The following LRRTM4 variants were observed in gnomAD, a reference collection of about 807,000 sequenced individuals.
LRRTM4 encodes the protein leucine-rich repeat transmembrane neuronal protein 4.
In LRRTM4, 25 loss-of-function variants were observed where a neutral mutation model predicts 47.6. That is an observed-to-expected ratio of 0.53 (90% CI 0.38 to 0.73). LRRTM4 has a LOEUF of 0.73. Among genes scored for constraint, LRRTM4 ranks in the 30% least tolerant of loss-of-function variants. LRRTM4 has a pLI of 0.00. For missense variants in LRRTM4, 638 were observed against 713.4 expected (o/e 0.89, Z 1.20); for synonymous variants, 311 against 269.5 (o/e 1.15, Z -1.51).
intron 3 of LRRTM4, among the ~76,000 whole-genome samples, chr2:77,243,755 C>T (rs1675340836): frequency 8.3e-6 from 1 of 119,850 alleles, no homozygotes; most frequent in South Asian, 3.0e-4. Context: ...ATACCATATC[C>T]CTTTTTTTTT....
At chr2:76,843,550 AT>A (rs1259008039) in intron 3 of LRRTM4, among the ~76,000 whole-genome samples, 5 of 152,242 alleles carry the variant, frequency 3.3e-5, no homozygotes, top group Non-Finnish European at 7.3e-5. Flanking sequence ...TGATAACTGA[AT>A]ATTTCATAAT....
At chr2:76,934,123 G>T (rs1301172207) in intron 3 of LRRTM4, among the ~76,000 whole-genome samples, 1 of 152,104 alleles carries the variant, frequency 6.6e-6, no homozygotes, top group Non-Finnish European at 1.5e-5. Context: ...TTACTCTGCA[G>T]AAAAATCTCA....
At chr2:77,403,990 C>T (rs1471564780) in intron 3 of LRRTM4, among the ~76,000 whole-genome samples, 1 of 151,774 alleles carries the variant, frequency 6.6e-6, no homozygotes, top group Non-Finnish European at 1.5e-5. Context: ...TTAAATGTCT[C>T]ATAAATACAA....
Position 76,963,105 on chromosome 2 carries a change from A to G in LRRTM4, c.1552-214189T>C, listed in dbSNP as rs1196300808. Among the ~76,000 whole-genome samples, 7 of 151,112 alleles carry G rather than the reference A, an allele frequency of 4.6e-5. No homozygotes were observed. In the East Asian group the frequency reaches 1.4e-3, roughly 30 times the overall value. ...CAAAAATAATTCAATGTAATTATTT[A>G]ATTGATCAATAAATGAAAATTTTCA... is the stretch of plus-strand genomic sequence containing the variant. On this transcript the variant is annotated intron_variant, in intron 3 of 3. Transcript: ENST00000409884.
chr2:76,871,578 T>C (rs1210983547), intron 3 of LRRTM4, among the ~76,000 whole-genome samples: 1 of 152,146 alleles, frequency 6.6e-6, no homozygotes, highest in African/African-American at 2.4e-5. Flanking sequence ...TCTGAAATGA[T>C]CTCCTATGAT....
At chr2:76,979,474 CAG>C (rs1676524238) in intron 3 of LRRTM4, among the ~76,000 whole-genome samples, 3 of 146,210 alleles carry the variant, frequency 2.1e-5, no homozygotes, top group African/African-American at 7.9e-5. Flanking sequence ...TGTGATATGT[CAG>C]AGAGCAGAGA....
intron 3 of LRRTM4, among the ~76,000 whole-genome samples, chr2:77,390,973 G>A (rs1007417419): frequency 2.6e-5 from 4 of 151,700 alleles, no homozygotes; most frequent in Admixed American, 2.6e-4. Flanking sequence ...ATAATTTTTA[G>A]AGAGTCTGTC....
intron 3 of LRRTM4, among the ~76,000 whole-genome samples, chr2:77,211,417 G>A (rs1433857255): frequency 2.6e-5 from 4 of 152,138 alleles, no homozygotes; most frequent in African/African-American, 4.8e-5. Flanking sequence ...AAACTAATAG[G>A]AAGCCGCTGG....
chr2:77,460,452 A>G lies in LRRTM4; in HGVS notation c.1551+57866T>C, dbSNP rs1324535713. Among the ~76,000 whole-genome samples, 4 of 152,226 alleles carry G rather than the reference A, an allele frequency of 2.6e-5. No individual in the cohort carries two copies. The East Asian group carries it at 7.7e-4, about 29-fold the overall frequency. On this transcript the variant is annotated intron_variant, in intron 3 of 3. Transcript: ENST00000409884. ...TATAGCTACTGGTCTAAAGAGGATG[A>G]CAATGAATATCTTTTGCATGTTCAT...
At chr2:77,310,505 T>C (rs951625548) in intron 3 of LRRTM4, among the ~76,000 whole-genome samples, 6 of 152,310 alleles carry the variant, frequency 3.9e-5, no homozygotes, top group Admixed American at 2.0e-4. Flanking sequence ...GGCCTCATTT[T>C]AGTGCAGAGC....
At chr2:76,757,854 G>C (rs1448148205) in intron 3 of LRRTM4, among the ~76,000 whole-genome samples, 1 of 152,082 alleles carries the variant, frequency 6.6e-6, no homozygotes, top group Non-Finnish European at 1.5e-5. Context: ...CCATGCAAAA[G>C]TAAACAAACA....
rs1558650312 is a variant in LRRTM4 at position 76,783,634 on chromosome 2, A to AAATT, written c.1552-34722_1552-34719dup. ...AAAGTTTCTCTGAAACTAAACAAGGAAATTAATTGATTTAATCCTGAATTA... is the reference window on the plus strand; with the variant it reads ...AAAGTTTCTCTGAAACTAAACAAGGAAATTAATTAATTGATTTAATCCTGAATTA... On this transcript the variant is annotated intron_variant, in intron 3 of 3. Coordinates refer to ENST00000409884, the MANE Select transcript of LRRTM4 (RefSeq NM_001134745.3). Among the ~76,000 whole-genome samples, 3 of 152,266 alleles carry AAATT rather than the reference A, an allele frequency of 2.0e-5. No individual in the cohort carries two copies. In the South Asian group the frequency reaches 6.2e-4, roughly 32 times the overall value.
At chr2:77,447,315 A>G (rs1011036324) in intron 3 of LRRTM4, among the ~76,000 whole-genome samples, 6 of 151,972 alleles carry the variant, frequency 3.9e-5, no homozygotes, top group African/African-American at 1.4e-4. Flanking sequence ...TATATCTGTA[A>G]AGACATAGGT....
chr2:77,206,179 A>AT (rs35378906), intron 3 of LRRTM4, among the ~76,000 whole-genome samples: 2,852 of 126,902 alleles, frequency 0.022, 86 homozygotes, highest in African/African-American at 0.074. Context: ...TCAAAATTCT[A>AT]TTTTTTTTTT....
intron 3 of LRRTM4, among the ~76,000 whole-genome samples, chr2:77,169,655 T>C (rs1222432574): frequency 1.3e-5 from 2 of 152,138 alleles, no homozygotes; most frequent in Middle Eastern, 3.2e-3. Flanking sequence ...AATACTTGCC[T>C]GCCCTTTTTC....
At chr2:77,429,935 A>G (rs971565983) in intron 3 of LRRTM4, among the ~76,000 whole-genome samples, 11 of 152,046 alleles carry the variant, frequency 7.2e-5, no homozygotes, top group African/African-American at 2.7e-4. Flanking sequence ...GCATGGTGGC[A>G]CATGCCTGTA....
At chr2:77,247,644 C>T (rs1675483854) in intron 3 of LRRTM4, among the ~76,000 whole-genome samples, 1 of 152,016 alleles carries the variant, frequency 6.6e-6, no homozygotes, top group African/African-American at 2.4e-5. Flanking sequence ...ACCACAGCTC[C>T]CTGTGCTCAT....
chr2:76,844,861 A>C (rs2103947343), intron 3 of LRRTM4, among the ~76,000 whole-genome samples: 1 of 152,302 alleles, frequency 6.6e-6, no homozygotes, highest in South Asian at 2.1e-4. Context: ...CTTTTTAAAA[A>C]ACAGAATATA....
intron 3 of LRRTM4, among the ~76,000 whole-genome samples, chr2:76,842,655 G>C (rs1671717506): frequency 6.6e-6 from 1 of 152,150 alleles, no homozygotes; most frequent in Admixed American, 6.5e-5. Context: ...GTGAAAAACA[G>C]AATGGTTGCA....
Sources: allele counts gnomAD v4.1 joint callset (sites outside exome capture counted in the v4.1 genomes callset), GRCh38; gene constraint gnomAD v4.1.1; transcripts MANE v1.5; gene names NCBI Gene and HGNC (gene_info 2026-07-23, HGNC 2026-07-21).